IPMK: variants seen among roughly 807,000 people sequenced by gnomAD.
The protein encoded by IPMK is inositol 1,3,4,6-tetrakisphosphate 5-kinase.
A neutral mutation model predicts 45.8 loss-of-function variants in IPMK; 17 were observed. The observed-to-expected ratio is 0.37, with a 90% CI of 0.25 to 0.56. The LOEUF (loss-of-function observed/expected upper bound fraction) is 0.56. Among genes scored for constraint, IPMK ranks in the 20% least tolerant of loss-of-function variants. IPMK has a pLI of 0.79. For missense variants in IPMK, 399 were observed against 498.0 expected, an observed-to-expected ratio of 0.80 and a Z score of 1.89; for synonymous variants, 180 against 184.3, an observed-to-expected ratio of 0.98 and a Z score of 0.19.
At chr10:58,213,921 G>C (rs1399452032) in intron 4 of IPMK, among the ~76,000 whole-genome samples, 1 of 152,200 alleles carries the variant, frequency 6.6e-6, no homozygotes, top group South Asian at 2.1e-4. Context: ...CCATTAGCAT[G>C]ATGGGGCAGA....
rs1363820154 is a variant in IPMK, at chr10:58,252,461, A to G, written c.191-14647T>C. 2.3e-5 allele frequency among the ~76,000 whole-genome samples: 3 copies of G among 131,934 alleles called. No individual in the cohort carries two copies. The East Asian group carries it at 6.4e-4, about 28-fold the overall frequency. 86.6% of individuals were successfully genotyped at this position (131,934 alleles called of 152,430 possible). ...GTTTTTTTTTTTTTTTTTAAGGTTT[A>G]CTTTTAGGTTCAGCGGTCCATGTGC... On this transcript the variant is annotated intron_variant, in intron 1 of 5. Coordinates refer to ENST00000373935, the MANE Select transcript of IPMK (RefSeq NM_152230.5).
In IPMK at chr10:58,194,780, T is replaced by G. The variant is rs1363912910; in HGVS notation, c.*1296A>C. 2.6e-5 allele frequency: 4 copies of G among 151,968 alleles called. No homozygotes were observed. Among genetic ancestry groups the G allele is most frequent in the Admixed American group, 6.6e-5 (1 of 15,266 alleles). The allele number at this position is 151,968 out of a possible 1,614,324, so 9.4% of individuals were successfully genotyped here. A position where few individuals can be genotyped will look rare whatever the true frequency, so the allele number is the denominator to read the frequency against. On this transcript the variant is annotated 3_prime_UTR_variant, in exon 6 of 6. Transcript: ENST00000373935. Reference sequence around the variant, plus strand: ...TATTAGTGAATGGAAGTGCAAGTAATGGCAGCATTAACATCAAATGTATTT... The same window carrying G: ...TATTAGTGAATGGAAGTGCAAGTAAGGGCAGCATTAACATCAAATGTATTT...
chr10:58,217,803 A>G (rs1490272538), intron 3 of IPMK, among the ~76,000 whole-genome samples: 1 of 152,046 alleles, frequency 6.6e-6, no homozygotes, highest in Non-Finnish European at 1.5e-5. Context: ...AAAGATTACT[A>G]TCAGTGAACA....
chr10:58,223,284 T>C (rs141272245), intron 3 of IPMK, among the ~76,000 whole-genome samples: 2 of 152,206 alleles, frequency 1.3e-5, no homozygotes, highest in African/African-American at 4.8e-5. Flanking sequence ...AAGTGTTAGG[T>C]ATAAAAAAAA....
At position 58,195,012 on chromosome 10, in the gene IPMK, G is replaced by T. The variant is rs1045134255; in HGVS notation, c.*1064C>A. The T allele has an allele frequency of 8.6e-5, 13 of 151,888 alleles. No homozygotes were observed. Among genetic ancestry groups the T allele is most frequent in the African/African-American group, 3.1e-4 (13 of 41,388 alleles). 9.4% of individuals were successfully genotyped at this position (151,888 alleles called of 1,614,324 possible). A position where few individuals can be genotyped will look rare whatever the true frequency, so the allele number is the denominator to read the frequency against. ...AGAGTGAAATAGAAGCATGAATATA[G>T]ATACGCACCAAACCCTATATTACGG... On this transcript the variant is annotated 3_prime_UTR_variant, in exon 6 of 6. Coordinates refer to ENST00000373935, the MANE Select transcript of IPMK (RefSeq NM_152230.5).
At chr10:58,223,346 C>T (rs1310234045) in intron 3 of IPMK, among the ~76,000 whole-genome samples, 1 of 151,784 alleles carries the variant, frequency 6.6e-6, no homozygotes, top group Non-Finnish European at 1.5e-5. Flanking sequence ...GAAAAAGAGG[C>T]AAAAAGAGCC....
intron 1 of IPMK, among the ~76,000 whole-genome samples, chr10:58,265,451 A>C (rs1162509889): frequency 6.6e-6 from 1 of 152,218 alleles, no homozygotes; most frequent in Non-Finnish European, 1.5e-5. Flanking sequence ...AAACATAATA[A>C]AACTGTTGAA....
chr10:58,243,920 G>A (rs1365396523), intron 1 of IPMK, among the ~76,000 whole-genome samples: 1 of 151,414 alleles, frequency 6.6e-6, no homozygotes, highest in African/African-American at 2.4e-5. Flanking sequence ...TCTAGGAAGT[G>A]AGGAGCGTCT....
intron 3 of IPMK, among the ~76,000 whole-genome samples, chr10:58,221,900 C>G (rs550189159): frequency 1.8e-4 from 27 of 152,236 alleles, no homozygotes; most frequent in African/African-American, 6.3e-4. Flanking sequence ...AGGTGCCTAC[C>G]ACCATGCCCA....
chr10:58,237,529 G>T (rs1292509543), intron 2 of IPMK, among the ~76,000 whole-genome samples, 200 bp downstream of exon 2: 2 of 152,142 alleles, frequency 1.3e-5, no homozygotes, highest in Non-Finnish European at 2.9e-5. Flanking sequence ...CACAGAAGAA[G>T]AATCTAAGAA....
chr10:58,227,897 T>C (rs2590317), intron 2 of IPMK, among the ~76,000 whole-genome samples: 51,354 of 152,032 alleles, frequency 0.34, 10,938 homozygotes, highest in African/African-American at 0.61. Flanking sequence ...TATCTAAAAT[T>C]AATGAAGTTT....
In IPMK at chr10:58,267,832, T is replaced by A; in HGVS notation, c.-221A>T. On this transcript the variant is annotated 5_prime_UTR_variant, in exon 1 of 6. Transcript: ENST00000373935. ...GGCGGAACGCGGCTCCCGGCTCCTG[T>A]TCCTCTGCCGCCGCAGCCGCCGGCC... 1 of 466,798 alleles carries A rather than the reference T, an allele frequency of 2.1e-6. No individual in the cohort carries two copies. Among genetic ancestry groups the A allele is most frequent in the Non-Finnish European group, 3.8e-6 (1 of 264,902 alleles). 28.9% of individuals were successfully genotyped at this position (466,798 alleles called of 1,614,324 possible).
At chr10:58,228,103 A>G (rs533164772) in intron 2 of IPMK, among the ~76,000 whole-genome samples, 1 of 152,330 alleles carries the variant, frequency 6.6e-6, no homozygotes, top group East Asian at 1.9e-4. Flanking sequence ...AGTGATTCAT[A>G]TTAGTCACTT....
intron 1 of IPMK, among the ~76,000 whole-genome samples, chr10:58,261,096 C>T (rs922518931): frequency 1.6e-4 from 11 of 70,348 alleles, no homozygotes; most frequent in Non-Finnish European, 2.6e-4. Flanking sequence ...TGAATATGCA[C>T]GGCTGAGCTA....
chr10:58,243,934 C>A lies in IPMK; in HGVS notation c.191-6120G>T, dbSNP rs184771461. 7.7e-3 allele frequency among the ~76,000 whole-genome samples: 1,158 copies of A among 150,074 alleles called. 17 individuals carry two copies. Among genetic ancestry groups the A allele is most frequent in the African/African-American group, 0.025 (1,003 of 40,562 alleles). On this transcript the variant is annotated intron_variant, in intron 1 of 5. Transcript: ENST00000373935. ...GTCTAGGAAGTGAGGAGCGTCTCTG[C>A]CCGACCGCCCATCGTCTGGGATGTG... is the stretch of plus-strand genomic sequence containing the variant.
intron 1 of IPMK, among the ~76,000 whole-genome samples, chr10:58,256,280 T>C (rs1438991125): frequency 6.6e-6 from 1 of 152,158 alleles, no homozygotes; most frequent in East Asian, 1.9e-4. Context: ...AAGGAATGCA[T>C]TCCCAGGGAG....
At chr10:58,245,810 G>C (rs12244841) in intron 1 of IPMK, among the ~76,000 whole-genome samples, 3 of 144,032 alleles carry the variant, frequency 2.1e-5, no homozygotes, top group Middle Eastern at 3.4e-3. Context: ...CCAGGGCAAT[G>C]AGGCAGGAGA....
At chr10:58,253,766 G>GAAAAAGAAA (rs1838922080) in intron 1 of IPMK, among the ~76,000 whole-genome samples, 1 of 145,366 alleles carries the variant, frequency 6.9e-6, no homozygotes, top group South Asian at 2.2e-4. Flanking sequence ...AAAAAGAAAA[G>GAAAAAGAAA]AAAAAGAAAA....
At chr10:58,209,122 C>A (rs1838118505) in intron 4 of IPMK, among the ~76,000 whole-genome samples, 1 of 152,178 alleles carries the variant, frequency 6.6e-6, no homozygotes, top group South Asian at 2.1e-4. Context: ...CTTGTGCAGG[C>A]CTGAATCTGG....
Sources: allele counts gnomAD v4.1 joint callset (sites outside exome capture counted in the v4.1 genomes callset), GRCh38; gene constraint gnomAD v4.1.1; transcripts MANE v1.5; gene names NCBI Gene and HGNC (gene_info 2026-07-23, HGNC 2026-07-21).